The following FAM107B variants were observed in gnomAD, a reference collection of about 807,000 sequenced individuals.
FAM107B encodes protein FAM107B.
In FAM107B, 21 loss-of-function variants were observed where a neutral mutation model predicts 31.5. That is an observed-to-expected ratio of 0.67 (90% confidence interval 0.47 to 0.96). FAM107B has a LOEUF of 0.96. Ranked by LOEUF, FAM107B falls within the 40% of genes least tolerant of loss-of-function variation. The pLI is 0.00. For missense variants in FAM107B, 452 were observed against 377.1 expected, an observed-to-expected ratio of 1.20 and a Z score of -1.64; for synonymous variants, 157 against 141.5, an observed-to-expected ratio of 1.11 and a Z score of -0.78.
At chr10:14,575,919 G>C (rs1342574957) in intron 2 of FAM107B, among the ~76,000 whole-genome samples, 1 of 152,202 alleles carries the variant, frequency 6.6e-6, no homozygotes, top group Non-Finnish European at 1.5e-5. Context: ...CCTTAAAAAG[G>C]AAGGAAATTG....
chr10:14,570,338 G>T (rs1323030451), intron 2 of FAM107B, among the ~76,000 whole-genome samples: 1 of 152,022 alleles, frequency 6.6e-6, no homozygotes, highest in African/African-American at 2.4e-5. Flanking sequence ...GCAGGGCAGG[G>T]TGGTTACACA....
At chr10:14,651,404 G>A (rs966850430) in intron 2 of FAM107B, among the ~76,000 whole-genome samples, 11 of 152,134 alleles carry the variant, frequency 7.2e-5, no homozygotes, top group South Asian at 6.2e-4. Context: ...TCGGGAGTTC[G>A]AGGCCAGCCT....
chr10:14,531,307 C>T (rs192483758), intron 2 of FAM107B, among the ~76,000 whole-genome samples: 104 of 151,048 alleles, frequency 6.9e-4, no homozygotes, highest in Middle Eastern at 3.6e-3. Flanking sequence ...ATCACTGAGG[C>T]CAGGAGCTCA....
intron 2 of FAM107B, among the ~76,000 whole-genome samples, chr10:14,660,981 G>A (rs1311593705): frequency 6.6e-6 from 1 of 152,100 alleles, no homozygotes; most frequent in Non-Finnish European, 1.5e-5. Flanking sequence ...ATTTTCCCCT[G>A]TTCTTGTGAT....
chr10:14,743,683 T>G (rs1256199935), intron 1 of FAM107B, among the ~76,000 whole-genome samples: 1 of 152,250 alleles, frequency 6.6e-6, no homozygotes, highest in Non-Finnish European at 1.5e-5. Context: ...GACTTATTTC[T>G]GAGATCTCTA....
chr10:14,645,712 AT>A (rs1262236808), intron 2 of FAM107B, among the ~76,000 whole-genome samples: 1 of 152,204 alleles, frequency 6.6e-6, no homozygotes, highest in Non-Finnish European at 1.5e-5. Context: ...AACAGCGGCA[AT>A]TCCAATTTCA....
chr10:14,737,395 C>A (rs1856325338), intron 1 of FAM107B, among the ~76,000 whole-genome samples: 2 of 152,030 alleles, frequency 1.3e-5, no homozygotes, highest in Admixed American at 6.5e-5. Flanking sequence ...GGCGGATTGC[C>A]TGAGCTCAGG....
intron 2 of FAM107B, among the ~76,000 whole-genome samples, chr10:14,598,686 G>A (rs1371198724): frequency 6.6e-6 from 1 of 152,212 alleles, no homozygotes; most frequent in Non-Finnish European, 1.5e-5. Flanking sequence ...TGTTAAGAAG[G>A]TAGATCTCAT....
intron 1 of FAM107B, among the ~76,000 whole-genome samples, chr10:14,728,563 C>G (rs1856090699): frequency 6.6e-6 from 1 of 152,178 alleles, no homozygotes; most frequent in African/African-American, 2.4e-5. Flanking sequence ...TCAACAGCTT[C>G]CCCACCCTGA....
chr10:14,748,842 C>G (rs568467920), intron 1 of FAM107B, among the ~76,000 whole-genome samples: 2 of 152,178 alleles, frequency 1.3e-5, no homozygotes. Flanking sequence ...CAGCTTGTCA[C>G]CAAGATGTAG....
chr10:14,666,125 A>G (rs1480500609), intron 2 of FAM107B, among the ~76,000 whole-genome samples: 1 of 152,218 alleles, frequency 6.6e-6, no homozygotes, highest in Non-Finnish European at 1.5e-5. Context: ...CCTGCTCTCT[A>G]AGAGACAATA....
chr10:14,772,362 A>AATATAT (rs1554759098), intron 1 of FAM107B, among the ~76,000 whole-genome samples: 1,850 of 145,602 alleles, frequency 0.013, 43 homozygotes, highest in African/African-American at 0.044. Flanking sequence ...TTAAAAAAAA[A>AATATAT]ATATATATAT....
At chr10:14,677,408 T>C (rs1169581945) in intron 1 of FAM107B, among the ~76,000 whole-genome samples, 1 of 151,920 alleles carries the variant, frequency 6.6e-6, no homozygotes, top group East Asian at 1.9e-4. Flanking sequence ...GATCACGAGG[T>C]CAGGAGATTG....
At chr10:14,568,162 G>C (rs1018439467) in intron 2 of FAM107B, among the ~76,000 whole-genome samples, 7 of 152,264 alleles carry the variant, frequency 4.6e-5, no homozygotes, top group African/African-American at 1.4e-4. Flanking sequence ...CAAAGCAGCA[G>C]CGAGGGGAAG....
At chr10:14,553,391 T>TAAA in intron 2 of FAM107B, 2 of 1,126,844 alleles carry the variant, frequency 1.8e-6, no homozygotes, top group Admixed American at 2.7e-5. Flanking sequence ...CATTCTCCTT[T>TAAA]AAAAAAAAAA....
At chr10:14,723,509 A>G in intron 1 of FAM107B, 1 of 606,974 alleles carries the variant, frequency 1.6e-6, no homozygotes, top group Non-Finnish European at 3.1e-6. Context: ...CACATGCACA[A>G]AACTTCCCAG....
chr10:14,741,241 C>T (rs1366791439), intron 1 of FAM107B, among the ~76,000 whole-genome samples: 1 of 152,096 alleles, frequency 6.6e-6, no homozygotes, highest in African/African-American at 2.4e-5. Flanking sequence ...ATTGTCAAGA[C>T]AATCTGCTCA....
chr10:14,539,003 C>T (rs943118884), intron 2 of FAM107B, among the ~76,000 whole-genome samples: 2 of 152,222 alleles, frequency 1.3e-5, no homozygotes, highest in Admixed American at 6.5e-5. Flanking sequence ...TCATGGAAAA[C>T]ATCTACCATC....
At chr10:14,543,355 A>T (rs1848403073) in intron 2 of FAM107B, among the ~76,000 whole-genome samples, 1 of 152,228 alleles carries the variant, frequency 6.6e-6, no homozygotes, top group Non-Finnish European at 1.5e-5. Context: ...TGACTGGCAC[A>T]GAAGTGAGCA....
Sources: allele counts gnomAD v4.1 joint callset (sites outside exome capture counted in the v4.1 genomes callset), GRCh38; gene constraint gnomAD v4.1.1; transcripts MANE v1.5; gene names NCBI Gene and HGNC (gene_info 2026-07-23, HGNC 2026-07-21).